KIAA1217: variants seen among roughly 807,000 people sequenced by gnomAD.
KIAA1217 encodes sickle tail protein homolog.
Under a neutral mutation model 163.9 loss-of-function variants are expected in KIAA1217, and 88 were observed. The ratio of observed to expected loss-of-function variants is 0.54; its 90% CI spans 0.45 to 0.64. The LOEUF (loss-of-function observed/expected upper bound fraction) is 0.64. Ranked by LOEUF, KIAA1217 falls within the 30% of genes least tolerant of loss-of-function variation. The probability of loss-of-function intolerance (pLI) is 0.00; values close to 1 mark genes in which losing one functional copy is unlikely to be tolerated. For missense variants in KIAA1217, 2,372 were observed against 2,475.0 expected (o/e 0.96, Z 0.88); for synonymous variants, 903 against 923.1 (o/e 0.98, Z 0.39).
At chr10:24,051,594 T>G (rs1849515879) in intron 2 of KIAA1217, among the ~76,000 whole-genome samples, 2 of 152,162 alleles carry the variant, frequency 1.3e-5, no homozygotes, top group Admixed American at 1.3e-4. Context: ...AGTTTTCCCT[T>G]TTAACCCCAT....
At chr10:24,465,390 G>A (rs2062834044) in intron 5 of KIAA1217, among the ~76,000 whole-genome samples, 1 of 152,182 alleles carries the variant, frequency 6.6e-6, no homozygotes. Flanking sequence ...TTTTTAGAAA[G>A]CCTGCAAAGG....
At chr10:23,727,351 A>G (rs1564370227) in intron 1 of KIAA1217, among the ~76,000 whole-genome samples, 1 of 151,850 alleles carries the variant, frequency 6.6e-6, no homozygotes, top group African/African-American at 2.4e-5. Flanking sequence ...ACCTAAGGCC[A>G]GAGTTTGAGA....
intron 3 of KIAA1217, among the ~76,000 whole-genome samples, chr10:24,432,675 G>A (rs923077285): frequency 4.0e-5 from 6 of 151,700 alleles, no homozygotes; most frequent in South Asian, 2.1e-4. Flanking sequence ...GGTGGGTCTC[G>A]AACTCCTGGC....
intron 1 of KIAA1217, among the ~76,000 whole-genome samples, chr10:23,917,891 T>A (rs781446074): frequency 8.5e-5 from 13 of 152,220 alleles, no homozygotes; most frequent in Non-Finnish European, 1.6e-4. Flanking sequence ...TGCTTTAGGG[T>A]TTGTGGGATG....
At chr10:24,349,099 C>A (rs1167903405) in intron 2 of KIAA1217, among the ~76,000 whole-genome samples, 2 of 147,046 alleles carry the variant, frequency 1.4e-5, no homozygotes, top group African/African-American at 5.1e-5. Flanking sequence ...TGCCTCTGCA[C>A]CCCAGCCAGG....
At chr10:24,524,862 G>A (rs2134720610) in intron 13 of KIAA1217, 98 bp downstream of exon 13, 1 of 1,089,836 alleles carries the variant, frequency 9.2e-7, no homozygotes, top group East Asian at 2.5e-5. Context: ...ACATGATTGT[G>A]TATGGATCAG....
chr10:23,850,079 T>C (rs1839236480), intron 1 of KIAA1217, among the ~76,000 whole-genome samples: 1 of 152,086 alleles, frequency 6.6e-6, no homozygotes, highest in African/African-American at 2.4e-5. Flanking sequence ...GTGGACCAAA[T>C]TCTAGCCTTT....
At chr10:24,414,015 A>G (rs1415286826) in intron 3 of KIAA1217, among the ~76,000 whole-genome samples, 1 of 152,192 alleles carries the variant, frequency 6.6e-6, no homozygotes, top group East Asian at 1.9e-4. Context: ...TTCAAAAAAT[A>G]TTTCTAGAGT....
At position 24,294,218 on chromosome 10, in the gene KIAA1217, T is replaced by G. The variant is rs1024065315; in HGVS notation, c.354+74309T>G. ...AAAAAAAAAAAAAAAAAAAAAGAAA[T>G]AGTTCCTTTCCACGTGGAGTGGACT... On this transcript the variant is annotated intron_variant, in intron 2 of 20. Coordinates refer to ENST00000376454, the MANE Select transcript of KIAA1217 (RefSeq NM_019590.5). Among the ~76,000 whole-genome samples the G allele has an allele frequency of 3.1e-3, 287 of 92,514 alleles. 1 individual carries two copies. The highest frequency in any genetic ancestry group is 4.4e-3 in the Non-Finnish European group (194 of 43,706). The allele number at this position is 92,514 out of a possible 152,430, so 60.7% of individuals were successfully genotyped here. A position where few individuals can be genotyped will look rare whatever the true frequency, so the allele number is the denominator to read the frequency against.
intron 1 of KIAA1217, among the ~76,000 whole-genome samples, chr10:23,955,026 G>C (rs978274784): frequency 6.6e-6 from 1 of 151,962 alleles, no homozygotes; most frequent in African/African-American, 2.4e-5. Context: ...AATAATAATG[G>C]GCAATAATAA....
intron 3 of KIAA1217, among the ~76,000 whole-genome samples, chr10:24,422,571 G>T (rs2131573526): frequency 6.6e-6 from 1 of 152,250 alleles, no homozygotes; most frequent in East Asian, 1.9e-4. Context: ...TCCATGCAAA[G>T]GGACAAGAAG....
intron 1 of KIAA1217, among the ~76,000 whole-genome samples, chr10:23,860,314 C>G (rs1839892562): frequency 6.6e-6 from 1 of 151,890 alleles, no homozygotes. Context: ...CTCTGGTTTC[C>G]TAGGTGATAA....
chr10:24,484,668 TC>T (rs2065164459), intron 6 of KIAA1217, among the ~76,000 whole-genome samples: 1 of 151,848 alleles, frequency 6.6e-6, no homozygotes, highest in Admixed American at 6.6e-5. Flanking sequence ...TAAGCAAGCC[TC>T]CCCCACCTCA....
At chr10:23,992,659 T>C (rs1309736846) in intron 1 of KIAA1217, among the ~76,000 whole-genome samples, 1 of 145,924 alleles carries the variant, frequency 6.9e-6, no homozygotes, top group Non-Finnish European at 1.5e-5. Context: ...AAGGAACGCA[T>C]CCCAGCCAAA....
chr10:23,809,606 C>T (rs1836896191), intron 1 of KIAA1217, among the ~76,000 whole-genome samples: 1 of 151,676 alleles, frequency 6.6e-6, no homozygotes, highest in Non-Finnish European at 1.5e-5. Context: ...TTAAACATAC[C>T]TTGTAAAAGA....
At chr10:23,754,164 G>A (rs1317303209) in intron 1 of KIAA1217, among the ~76,000 whole-genome samples, 1 of 152,240 alleles carries the variant, frequency 6.6e-6, no homozygotes, top group African/African-American at 2.4e-5. Context: ...ACATTTAAGA[G>A]ACACTCAATA....
In KIAA1217 at chr10:24,350,243, G is replaced by A. The variant is rs540911007; in HGVS notation, c.355-30626G>A. 2.0e-5 allele frequency among the ~76,000 whole-genome samples: 3 copies of A among 152,270 alleles called. No homozygotes were observed. In the Middle Eastern group the frequency reaches 0.01, roughly 518 times the overall value. ...AGATGCTTCCTGGTTTTAAAACAGT[G>A]ACCTGGCTCCCCAACAATTACAGCA... On this transcript the variant is annotated intron_variant, in intron 2 of 20. Coordinates refer to ENST00000376454, the MANE Select transcript of KIAA1217 (RefSeq NM_019590.5).
At chr10:24,146,194 A>G (rs12241789) in intron 2 of KIAA1217, among the ~76,000 whole-genome samples, 1 of 152,008 alleles carries the variant, frequency 6.6e-6, no homozygotes, top group African/African-American at 2.4e-5. Flanking sequence ...AGAAAGATAC[A>G]AAAGGGTTAC....
In KIAA1217 at chr10:24,122,838, G is replaced by A. The variant is rs189978315; in HGVS notation, c.-170-96788G>A. 1.3e-4 allele frequency among the ~76,000 whole-genome samples: 20 copies of A among 151,784 alleles called. No homozygotes were observed. The East Asian group carries it at 3.7e-3, about 28-fold the overall frequency. On this transcript the variant is annotated intron_variant, in intron 2 of 18. Coordinates refer to the KIAA1217 transcript ENST00000376462. ...AATAATTAAAAAATAATGAAGCTAT[G>A]CCCCCATGGTCATGCCGATTTCATT... is the stretch of plus-strand genomic sequence containing the variant.
Sources: gnomAD v4.1 joint callset for allele counts (sites outside exome capture counted in the v4.1 genomes callset) on GRCh38, gnomAD v4.1.1 for gene constraint, MANE v1.5 for transcripts, NCBI Gene and HGNC (gene_info 2026-07-23, HGNC 2026-07-21) for gene names.